The following ZNF282 variants were observed in gnomAD, a reference collection of about 807,000 sequenced individuals.
ZNF282 encodes zinc finger protein 282.
Under a neutral mutation model 61.9 loss-of-function variants are expected in ZNF282, and 30 were observed. The ratio of observed to expected loss-of-function variants is 0.48; its 90% CI spans 0.36 to 0.66. The LOEUF (loss-of-function observed/expected upper bound fraction) is 0.66, where lower values mean the gene tolerates loss of function less well. Among genes scored for constraint, ZNF282 ranks in the 30% least tolerant of loss-of-function variants. The pLI, the probability that ZNF282 is intolerant of heterozygous loss-of-function variation, is 0.00. For missense variants in ZNF282, 788 were observed against 941.4 expected, an observed-to-expected ratio of 0.84 and a Z score of 2.13; for synonymous variants, 396 against 405.0, an observed-to-expected ratio of 0.98 and a Z score of 0.27.
chr7:149,203,157 G>A (rs1332771493), intron 2 of ZNF282, among the ~76,000 whole-genome samples: 2 of 152,140 alleles, frequency 1.3e-5, no homozygotes, highest in East Asian at 1.9e-4. Flanking sequence ...CAGCATTTAC[G>A]TACACACTGC....
chr7:149,208,011 C>T (rs995814737), intron 4 of ZNF282, among the ~76,000 whole-genome samples: 1 of 152,142 alleles, frequency 6.6e-6, no homozygotes, highest in African/African-American at 2.4e-5. Context: ...TGAGCTCTTG[C>T]TGGGGTGGAA....
intron 5 of ZNF282, among the ~76,000 whole-genome samples, chr7:149,210,974 A>T (rs766850328): frequency 6.6e-6 from 1 of 152,142 alleles, no homozygotes; most frequent in Non-Finnish European, 1.5e-5. Context: ...TAACTATTCC[A>T]TCTTCCCCTT....
In ZNF282 at chr7:149,223,855, ACAGCCCCAGCCC is replaced by A; in HGVS notation, c.1236_1247del (p.Gln413_Pro416del). 2 of 1,292,668 alleles carry A rather than the reference ACAGCCCCAGCCC, an allele frequency of 1.5e-6. No homozygotes were observed. The highest frequency in any genetic ancestry group is 3.3e-5 in the East Asian group (1 of 30,192). 80.1% of individuals were successfully genotyped at this position (1,292,668 alleles called of 1,614,324 possible). On this transcript the variant is annotated inframe_deletion, in exon 8 of 8. Transcript: ENST00000610704. Reference sequence around the variant, plus strand: ...TGAAGAACCCACCCCCGGCCCCGCCACAGCCCCAGCCCCAGCCCCAGCCACCGCAGCCGCAGC... The same window carrying A: ...TGAAGAACCCACCCCCGGCCCCGCCACAGCCCCAGCCACCGCAGCCGCAGC...
chr7:149,223,800 C>T lies in ZNF282; in HGVS notation c.1181-12C>T, dbSNP rs1796301459. 3 of 1,489,112 alleles carry T rather than the reference C, an allele frequency of 2.0e-6. No individual in the cohort carries two copies. Among genetic ancestry groups the T allele is most frequent in the Non-Finnish European group, 1.8e-6 (2 of 1,129,410 alleles). 92.2% of individuals were successfully genotyped at this position (1,489,112 alleles called of 1,614,324 possible). A position where few individuals can be genotyped will look rare whatever the true frequency, so the allele number is the denominator to read the frequency against. ...ACCCCTGTCAGCATGTCACTTCTTC[C>T]TATCTCCCCAGGTGACAGCCTGCTG... On this transcript the variant is annotated splice_polypyrimidine_tract_variant and intron_variant, in intron 7 of 7. Transcript: ENST00000610704.
intron 7 of ZNF282, among the ~76,000 whole-genome samples, chr7:149,216,484 G>T (rs1796162298): frequency 6.6e-6 from 1 of 152,188 alleles, no homozygotes; most frequent in Non-Finnish European, 1.5e-5. Flanking sequence ...ATCTGGAAAT[G>T]GTTCTCTTGC....
rs116432078 is a variant in ZNF282, at chr7:149,213,772, C to T, written c.1138C>T (p.Arg380Cys). Residue 380 changes from arginine (R) to cysteine (C), a missense_variant, in exon 7 of 8, where the codon CGC becomes TGC. Arg to Cys is a radical substitution (Grantham distance 180, BLOSUM62 -3). Around this residue, in one of 3 missense-constraint regions of ZNF282, gnomAD observed 559 missense variants for 642.0 expected, o/e 0.87. Coordinates refer to ENST00000610704, the MANE Select transcript of ZNF282 (RefSeq NM_003575.4). ...QEEQPYPWGP[R>C]DSMDGELGLD... Reference sequence around the variant, plus strand: ...GGAGCAGCCATACCCATGGGGACCACGCGACTCAATGGACGGAGAGCTTGG... The same window carrying T: ...GGAGCAGCCATACCCATGGGGACCATGCGACTCAATGGACGGAGAGCTTGG... 25 of 1,613,942 alleles carry T rather than the reference C, an allele frequency of 1.5e-5. No homozygotes were observed. Among genetic ancestry groups the T allele is most frequent in the East Asian group, 4.5e-5 (2 of 44,850 alleles).
chr7:149,224,576 C>T lies in ZNF282; in HGVS notation c.1945C>T (p.Leu649=). 2 of 1,599,792 alleles carry T rather than the reference C, an allele frequency of 1.3e-6. No homozygotes were observed. Among genetic ancestry groups the T allele is most frequent in the Non-Finnish European group, 1.7e-6 (2 of 1,176,326 alleles). The change falls in exon 8 of 8, where the codon CTG becomes TTG. Residue 649 remains leucine (L), a synonymous_variant. Coordinates refer to ENST00000610704, the MANE Select transcript of ZNF282 (RefSeq NM_003575.4). ...CTACAAGGAGTCGCTCAAGGACCAC[C>T]TGCGCGTGCACAGCGGCGGCCCGGG... ...FRYKESLKDH[L]RVHSGGPGPG... is the part of the protein sequence containing the mutation.
At chr7:149,220,590 A>G (rs2129523700) in intron 7 of ZNF282, among the ~76,000 whole-genome samples, 1 of 152,256 alleles carries the variant, frequency 6.6e-6, no homozygotes, top group Admixed American at 6.5e-5. Flanking sequence ...GTAGCACAGC[A>G]GCTGCAGCTG....
At chr7:149,216,130 ACTCTGCCGCTC>A (rs1392538002) in intron 7 of ZNF282, among the ~76,000 whole-genome samples, 1 of 152,006 alleles carries the variant, frequency 6.6e-6, no homozygotes, top group Non-Finnish European at 1.5e-5. Flanking sequence ...ACAGGGTCTC[ACTCTGCCGCTC>A]AGGCTGGAGT....
chr7:149,220,672 A>G (rs1343581246), intron 7 of ZNF282, among the ~76,000 whole-genome samples: 1 of 152,138 alleles, frequency 6.6e-6, no homozygotes, highest in African/African-American at 2.4e-5. Flanking sequence ...AGGAATGAGG[A>G]AATCTTTCCA....
At chr7:149,207,270 T>C in intron 3 of ZNF282, 81 bp from the exon 4 acceptor site, 14 of 1,492,208 alleles carry the variant, frequency 9.4e-6, no homozygotes, top group Non-Finnish European at 1.3e-5. Flanking sequence ...GGAGATGGGG[T>C]AGGGGAGAGT....
At chr7:149,223,546 T>G (rs1046323429) in intron 7 of ZNF282, among the ~76,000 whole-genome samples, 1 of 152,172 alleles carries the variant, frequency 6.6e-6, no homozygotes, top group Non-Finnish European at 1.5e-5. Flanking sequence ...GGACAGCAGG[T>G]CCCCTACCCC....
intron 7 of ZNF282, among the ~76,000 whole-genome samples, chr7:149,217,126 CATT>C (rs1796169967): frequency 6.6e-6 from 1 of 152,216 alleles, no homozygotes; most frequent in Non-Finnish European, 1.5e-5. Context: ...GAAATTCCCA[CATT>C]ATTCACTACA....
At chr7:149,206,053 C>T (rs1012719072) in intron 2 of ZNF282, among the ~76,000 whole-genome samples, 17 of 152,150 alleles carry the variant, frequency 1.1e-4, no homozygotes, top group African/African-American at 3.1e-4. Flanking sequence ...GTAACAGATC[C>T]GAACACACTT....
intron 7 of ZNF282, among the ~76,000 whole-genome samples, chr7:149,223,598 G>A (rs1337379285): frequency 6.6e-6 from 1 of 152,102 alleles, no homozygotes; most frequent in Non-Finnish European, 1.5e-5. Flanking sequence ...TCCTTGCTGC[G>A]TGCCACCTGC....
intron 2 of ZNF282, among the ~76,000 whole-genome samples, chr7:149,204,076 G>A (rs946126241): frequency 6.6e-6 from 1 of 152,140 alleles, no homozygotes; most frequent in African/African-American, 2.4e-5. Flanking sequence ...CTGAAGGTTT[G>A]ACTGGGGCTG....
At chr7:149,205,850 G>A (rs1795984385) in intron 2 of ZNF282, among the ~76,000 whole-genome samples, 2 of 152,140 alleles carry the variant, frequency 1.3e-5, no homozygotes, top group African/African-American at 4.8e-5. Context: ...TTGAGGGGTC[G>A]GATTTCAGAC....
At chr7:149,196,179 C>G (rs908605781) in intron 1 of ZNF282, among the ~76,000 whole-genome samples, 4 of 152,188 alleles carry the variant, frequency 2.6e-5, no homozygotes, top group African/African-American at 9.6e-5. Flanking sequence ...TACACGGTGG[C>G]CAATTTGACG....
At chr7:149,201,983 A>T (rs1211759) in intron 2 of ZNF282, among the ~76,000 whole-genome samples, 127,452 of 151,760 alleles carry the variant, frequency 0.84, 54,022 homozygotes, top group East Asian at 0.97. Flanking sequence ...CGTCCTCGCC[A>T]CCTCTTCCAT....
Sources: allele counts gnomAD v4.1 joint callset (sites outside exome capture counted in the v4.1 genomes callset), GRCh38; gene constraint gnomAD v4.1.1; regional missense constraint gnomAD v4.1.1; transcripts MANE v1.5; gene names NCBI Gene and HGNC (gene_info 2026-07-23, HGNC 2026-07-21).